The following SVIP variants were observed in gnomAD, a reference collection of about 807,000 sequenced individuals.
SVIP encodes small VCP interacting protein, also known as small VCP/p97-interacting protein.
In SVIP, 14 loss-of-function variants were observed where a neutral mutation model predicts 12.9. The observed-to-expected ratio is 1.08, with a 90% CI of 0.72 to 1.70. The LOEUF is 1.70. SVIP is among the 40% of genes most tolerant of loss of function. The pLI, the probability that SVIP is intolerant of heterozygous loss-of-function variation, is 0.00. For synonymous variants in SVIP, 35 were observed against 33.3 expected, an observed-to-expected ratio of 1.05 and a Z score of -0.17; for missense variants, 93 against 90.8, an observed-to-expected ratio of 1.02 and a Z score of -0.10.
At chr11:22,826,880 T>C (rs1857727189) in intron 3 of SVIP, among the ~76,000 whole-genome samples, 2 of 152,172 alleles carry the variant, frequency 1.3e-5, no homozygotes, top group Non-Finnish European at 2.9e-5. Context: ...AAATGGTACT[T>C]AGTTTGGATG....
At chr11:22,823,410 T>C (rs1483135902) in intron 3 of SVIP, among the ~76,000 whole-genome samples, 2 of 152,178 alleles carry the variant, frequency 1.3e-5, no homozygotes, top group South Asian at 4.1e-4. Context: ...CAAGAGTAAC[T>C]GTAGAATGTG....
In SVIP at chr11:22,819,015, G is replaced by A. The variant is rs1047386753; in HGVS notation, c.*4104C>T. 5.3e-5 allele frequency: 8 copies of A among 152,158 alleles called. 1 individual carries two copies. The East Asian group carries it at 1.5e-3, about 29-fold the overall frequency. 9.4% of individuals were successfully genotyped at this position (152,158 alleles called of 1,614,324 possible). A position where few individuals can be genotyped will look rare whatever the true frequency, so the allele number is the denominator to read the frequency against. On this transcript the variant is annotated 3_prime_UTR_variant, in exon 4 of 4. Coordinates refer to ENST00000354193, the MANE Select transcript of SVIP (RefSeq NM_148893.3). Reference sequence around the variant, plus strand: ...CCTAAATATTTTATTTGTTGATATTGTAATTTAAATTTTCCCACTTTCAAT... The same window carrying A: ...CCTAAATATTTTATTTGTTGATATTATAATTTAAATTTTCCCACTTTCAAT...
rs1039635729 is a variant in SVIP at position 22,819,343 on chromosome 11, G to A, written c.*3776C>T. On this transcript the variant is annotated 3_prime_UTR_variant, in exon 4 of 4. Coordinates refer to ENST00000354193, the MANE Select transcript of SVIP (RefSeq NM_148893.3). ...ATAAATTTCAGGGAAATAGCCTAGA[G>A]AGCACCAATCTGTGTGCAAAACTAA... 2.0e-5 allele frequency: 3 copies of A among 152,228 alleles called. No homozygotes were observed. The highest frequency in any genetic ancestry group is 1.3e-4 in the Admixed American group (2 of 15,278). 9.4% of individuals were successfully genotyped at this position (152,228 alleles called of 1,614,324 possible). A position where few individuals can be genotyped will look rare whatever the true frequency, so the allele number is the denominator to read the frequency against.
rs1021584851 is a variant in SVIP, at chr11:22,821,874, C to T, written c.*1245G>A. 3.1e-4 allele frequency: 47 copies of T among 152,110 alleles called. No homozygotes were observed. The highest frequency in any genetic ancestry group is 8.7e-4 in the African/African-American group (36 of 41,416). The allele number at this position is 152,110 out of a possible 1,614,324, so 9.4% of individuals were successfully genotyped here. A position where few individuals can be genotyped will look rare whatever the true frequency, so the allele number is the denominator to read the frequency against. ...CTTTTAAAAATTAACATGTACAATA[C>T]ACTGCAGTATAACATAATTTTTGTT... is the stretch of plus-strand genomic sequence containing the variant. On this transcript the variant is annotated 3_prime_UTR_variant, in exon 4 of 4. Coordinates refer to ENST00000354193, the MANE Select transcript of SVIP (RefSeq NM_148893.3).
Position 22,819,362 on chromosome 11 carries a change from A to G in SVIP, c.*3757T>C, listed in dbSNP as rs905600002. ...CCTAGAGAGCACCAATCTGTGTGCA[A>G]AACTAATTAGTTCCACTTGAGATAA... On this transcript the variant is annotated 3_prime_UTR_variant, in exon 4 of 4. Transcript: ENST00000354193. The G allele has an allele frequency of 2.6e-5, 4 of 152,262 alleles. No homozygotes were observed. The highest frequency in any genetic ancestry group is 5.9e-5 in the Non-Finnish European group (4 of 68,052). The allele number at this position is 152,262 out of a possible 1,614,324, so 9.4% of individuals were successfully genotyped here. A position where few individuals can be genotyped will look rare whatever the true frequency, so the allele number is the denominator to read the frequency against.
intron 3 of SVIP, among the ~76,000 whole-genome samples, chr11:22,825,893 G>A (rs1488461299): frequency 2.6e-5 from 4 of 152,056 alleles, no homozygotes; most frequent in Non-Finnish European, 5.9e-5. Context: ...ATTATTTCCA[G>A]TCCTACAATT....
chr11:22,829,627 C>A, intron 1 of SVIP, 68 bp downstream of exon 1: 3 of 1,489,444 alleles, frequency 2.0e-6, no homozygotes, highest in Non-Finnish European at 2.7e-6. Flanking sequence ...ATGGCTCGGC[C>A]CGCCCCGCAA....
chr11:22,820,784 A>C lies in SVIP; in HGVS notation c.*2335T>G, dbSNP rs552617911. On this transcript the variant is annotated 3_prime_UTR_variant, in exon 4 of 4. Coordinates refer to ENST00000354193, the MANE Select transcript of SVIP (RefSeq NM_148893.3). ...ACAAAGAGGCCGTGTAATAATTCAC[A>C]ACTTTTGTTAGCAGCCGTTAAGTTT... 3.3e-5 allele frequency: 5 copies of C among 152,280 alleles called. No homozygotes were observed. In the South Asian group the frequency reaches 1.0e-3, roughly 32 times the overall value. 9.4% of individuals were successfully genotyped at this position (152,280 alleles called of 1,614,324 possible).
Position 22,819,216 on chromosome 11 carries a change from G to A in SVIP, c.*3903C>T, listed in dbSNP as rs1857406484. Reference sequence around the variant, plus strand: ...TAAATATATCTGTTACATTTATAATGTAACTATGTCTAAGAAATATAGACA... The same window carrying A: ...TAAATATATCTGTTACATTTATAATATAACTATGTCTAAGAAATATAGACA... On this transcript the variant is annotated 3_prime_UTR_variant, in exon 4 of 4. Transcript: ENST00000354193. 1 of 152,106 alleles carries A rather than the reference G, an allele frequency of 6.6e-6. No homozygotes were observed. Among genetic ancestry groups the A allele is most frequent in the Admixed American group, 6.5e-5 (1 of 15,274 alleles). 9.4% of individuals were successfully genotyped at this position (152,106 alleles called of 1,614,324 possible).
At chr11:22,826,635 A>G (rs1438030122) in intron 3 of SVIP, among the ~76,000 whole-genome samples, 1 of 152,118 alleles carries the variant, frequency 6.6e-6, no homozygotes. Flanking sequence ...GTCCACCATT[A>G]TATTCCCAGT....
At chr11:22,826,181 T>C (rs751825785) in intron 3 of SVIP, among the ~76,000 whole-genome samples, 6 of 152,204 alleles carry the variant, frequency 3.9e-5, no homozygotes, top group East Asian at 3.8e-4. Context: ...TTAAATGATA[T>C]AAGATGAAGT....
intron 2 of SVIP, 54 bp from the exon 3 acceptor site, chr11:22,827,374 G>T: frequency 7.0e-7 from 1 of 1,436,376 alleles, no homozygotes; most frequent in Non-Finnish European, 9.5e-7. Flanking sequence ...TGTCCAGTGT[G>T]CAAAACATTT....
chr11:22,829,778 G>C lies in SVIP; in HGVS notation c.-30C>G, dbSNP rs773543367. The C allele has an allele frequency of 1.3e-6, 2 of 1,587,598 alleles. No homozygotes were observed. Among genetic ancestry groups the C allele is most frequent in the African/African-American group, 1.4e-5 (1 of 73,754 alleles). On this transcript the variant is annotated 5_prime_UTR_variant, in exon 1 of 4. Coordinates refer to ENST00000354193, the MANE Select transcript of SVIP (RefSeq NM_148893.3). ...ACGACAGCTTGAGAACCCTGACCGGGTCCGGCCCAGGCCAGGCGGCGCTAA... is the reference window on the plus strand; with the variant it reads ...ACGACAGCTTGAGAACCCTGACCGGCTCCGGCCCAGGCCAGGCGGCGCTAA...
intron 1 of SVIP, among the ~76,000 whole-genome samples, chr11:22,828,427 A>C (rs1241150495): frequency 6.6e-6 from 1 of 152,226 alleles, no homozygotes; most frequent in Non-Finnish European, 1.5e-5. Flanking sequence ...ACATAGATAA[A>C]TGTCTCCTCC....
rs562636609 is a variant in SVIP at position 22,827,112 on chromosome 11, A to T, written c.219+95T>A. ...TTTTAAACTATTTCAAAATTTTCTGATAATACATTTCAGGAGAAAATTATG... is the reference window on the plus strand; with the variant it reads ...TTTTAAACTATTTCAAAATTTTCTGTTAATACATTTCAGGAGAAAATTATG... On this transcript the variant is annotated intron_variant, in intron 3 of 3. Transcript: ENST00000354193. The T allele has an allele frequency of 2.3e-4, 212 of 941,302 alleles. No homozygotes were observed. The African/African-American group carries it at 3.2e-3, about 14-fold the overall frequency. The allele number at this position is 941,302 out of a possible 1,614,324, so 58.3% of individuals were successfully genotyped here.
Position 22,821,104 on chromosome 11 carries a change from GTATA to G in SVIP, c.*2011_*2014del, listed in dbSNP as rs962026396. ...AAATTAGAATTTGCAGATATTATGT[GTATA>G]TATATACACACATATATAATATATA... On this transcript the variant is annotated 3_prime_UTR_variant, in exon 4 of 4. Coordinates refer to ENST00000354193, the MANE Select transcript of SVIP (RefSeq NM_148893.3). 3.4e-5 allele frequency: 5 copies of G among 145,934 alleles called. No individual in the cohort carries two copies. The highest frequency in any genetic ancestry group is 7.5e-5 in the African/African-American group (3 of 39,890). 9.0% of individuals were successfully genotyped at this position (145,934 alleles called of 1,614,324 possible).
rs1373747347 is a variant in SVIP, at chr11:22,819,029, C to T, written c.*4090G>A. 2.0e-5 allele frequency: 3 copies of T among 151,974 alleles called. No homozygotes were observed. The highest frequency in any genetic ancestry group is 1.9e-4 in the East Asian group (1 of 5,196). The allele number at this position is 151,974 out of a possible 1,614,324, so 9.4% of individuals were successfully genotyped here. A position where few individuals can be genotyped will look rare whatever the true frequency, so the allele number is the denominator to read the frequency against. On this transcript the variant is annotated 3_prime_UTR_variant, in exon 4 of 4. Coordinates refer to ENST00000354193, the MANE Select transcript of SVIP (RefSeq NM_148893.3). ...TTGTTGATATTGTAATTTAAATTTT[C>T]CCACTTTCAATTACAGATTTTTCAT...
At chr11:22,825,670 A>C (rs1857671234) in intron 3 of SVIP, among the ~76,000 whole-genome samples, 1 of 151,946 alleles carries the variant, frequency 6.6e-6, no homozygotes, top group African/African-American at 2.4e-5. Context: ...TTTTTTTTTT[A>C]ATCTATAGAC....
chr11:22,825,446 T>C lies in SVIP; in HGVS notation c.219+1761A>G, dbSNP rs1369801312. Among the ~76,000 whole-genome samples, 4 of 152,064 alleles carry C rather than the reference T, an allele frequency of 2.6e-5. No homozygotes were observed. In the East Asian group the frequency reaches 7.7e-4, roughly 29 times the overall value. On this transcript the variant is annotated intron_variant, in intron 3 of 3. Coordinates refer to ENST00000354193, the MANE Select transcript of SVIP (RefSeq NM_148893.3). Reference sequence around the variant, plus strand: ...TATTCCAAGGAAAAATTACTCACAGTGGACAACAGCAGTGGCTAATGACAG... The same window carrying C: ...TATTCCAAGGAAAAATTACTCACAGCGGACAACAGCAGTGGCTAATGACAG...
Sources: allele counts gnomAD v4.1 joint callset (sites outside exome capture counted in the v4.1 genomes callset), GRCh38; gene constraint gnomAD v4.1.1; transcripts MANE v1.5; gene names NCBI Gene and HGNC (gene_info 2026-07-23, HGNC 2026-07-21).